SPECC1L: variants seen among roughly 807,000 people sequenced by gnomAD.
SPECC1L encodes the protein sperm antigen with calponin homology and coiled-coil domains 1 like.
A neutral mutation model predicts 116.8 loss-of-function variants in SPECC1L; 40 were observed. The observed-to-expected ratio is 0.34, with a 90% CI of 0.27 to 0.45. The LOEUF (loss-of-function observed/expected upper bound fraction) is 0.45, where lower values mean the gene tolerates loss of function less well. Among genes scored for constraint, SPECC1L ranks in the 20% least tolerant of loss-of-function variants. SPECC1L has a pLI of 1.00. For missense variants in SPECC1L, 1,110 were observed against 1,373.6 expected (o/e 0.81, Z 3.03); for synonymous variants, 504 against 500.6 (o/e 1.01, Z -0.09).
chr22:24,411,056 C>T (rs2042686670), intron 14 of SPECC1L, among the ~76,000 whole-genome samples: 3 of 152,002 alleles, frequency 2.0e-5, no homozygotes, highest in African/African-American at 7.3e-5. Flanking sequence ...GGTGTGGTGG[C>T]ACATGCCTGT....
intron 10 of SPECC1L, among the ~76,000 whole-genome samples, chr22:24,339,746 G>A (rs886151945): frequency 2.0e-5 from 3 of 152,212 alleles, no homozygotes; most frequent in South Asian, 2.1e-4. Flanking sequence ...TTGTGAGTTC[G>A]TGGCTTTGCA....
chr22:24,317,315 A>AC lies in SPECC1L; in HGVS notation c.307+3857dup, dbSNP rs1265065016. ...GGGCGGCTGGCCAGGCGGGGGGCTG[A>AC]CCCCCCCCACCTCCCTCCCGGACGG... On this transcript the variant is annotated intron_variant, in intron 4 of 16. Coordinates refer to ENST00000314328, the MANE Select transcript of SPECC1L (RefSeq NM_015330.6). 2.0e-4 allele frequency among the ~76,000 whole-genome samples: 7 copies of AC among 34,642 alleles called. 1 individual carries two copies. The highest frequency in any genetic ancestry group is 1.1e-3 in the South Asian group (1 of 928). The allele number at this position is 34,642 out of a possible 152,430, so 22.7% of individuals were successfully genotyped here.
At chr22:24,404,482 T>G (rs1008548183) in intron 14 of SPECC1L, among the ~76,000 whole-genome samples, 1 of 152,204 alleles carries the variant, frequency 6.6e-6, no homozygotes, top group Non-Finnish European at 1.5e-5. Flanking sequence ...CGTCTGGTTC[T>G]GCCCACAGAA....
At chr22:24,307,290 G>A (rs565715996) in intron 3 of SPECC1L, among the ~76,000 whole-genome samples, 19 of 152,220 alleles carry the variant, frequency 1.2e-4, no homozygotes, top group Middle Eastern at 3.4e-3. Context: ...ATTTTTTCGC[G>A]TCCTCTGCAA....
At position 24,282,542 on chromosome 22, in the gene SPECC1L, A is replaced by G. The variant is rs369436351; in HGVS notation, c.-38+5739A>G. 3.1e-3 allele frequency among the ~76,000 whole-genome samples: 474 copies of G among 152,292 alleles called. 16 individuals carry two copies. In the South Asian group the frequency reaches 0.09, roughly 29 times the overall value. On this transcript the variant is annotated intron_variant, in intron 2 of 16. Transcript: ENST00000314328. Reference sequence around the variant, plus strand: ...TGGTAAAAGTGGATTTCCTTGTCTCATTTTTGATCCTATGGGGAAAATATT... The same window carrying G: ...TGGTAAAAGTGGATTTCCTTGTCTCGTTTTTGATCCTATGGGGAAAATATT...
chr22:24,352,082 T>C (rs755171542), intron 11 of SPECC1L, among the ~76,000 whole-genome samples: 1 of 152,164 alleles, frequency 6.6e-6, no homozygotes, highest in Admixed American at 6.5e-5. Flanking sequence ...AAATGTTTCA[T>C]ACCAGAGAAA....
chr22:24,335,495 A>G (rs2041035155), intron 9 of SPECC1L, among the ~76,000 whole-genome samples: 1 of 152,134 alleles, frequency 6.6e-6, no homozygotes, highest in Non-Finnish European at 1.5e-5. Flanking sequence ...CAAATGACTG[A>G]CTTGTTTTCA....
intron 11 of SPECC1L, among the ~76,000 whole-genome samples, chr22:24,355,815 C>G (rs1184867899): frequency 6.6e-6 from 1 of 151,072 alleles, no homozygotes; most frequent in African/African-American, 2.4e-5. Flanking sequence ...CTCCCTCCCT[C>G]CCCCCGTTCT....
At chr22:24,282,714 A>G (rs2048966631) in intron 2 of SPECC1L, among the ~76,000 whole-genome samples, 1 of 151,036 alleles carries the variant, frequency 6.6e-6, no homozygotes, top group African/African-American at 2.4e-5. Flanking sequence ...TTCTGTGTGT[A>G]TTGAGAAGAT....
chr22:24,414,741 G>A lies in SPECC1L; in HGVS notation c.*118G>A. 1 of 856,696 alleles carries A rather than the reference G, an allele frequency of 1.2e-6. No individual in the cohort carries two copies. The highest frequency in any genetic ancestry group is 1.9e-6 in the Non-Finnish European group (1 of 525,344). 53.1% of individuals were successfully genotyped at this position (856,696 alleles called of 1,614,324 possible). A position where few individuals can be genotyped will look rare whatever the true frequency, so the allele number is the denominator to read the frequency against. On this transcript the variant is annotated 3_prime_UTR_variant, in exon 17 of 17. Coordinates refer to ENST00000314328, the MANE Select transcript of SPECC1L (RefSeq NM_015330.6). ...TCCAGCAACTCTGGGCTGCCCCACA[G>A]CGTGTGAGCCTCCAGCTCGGGGCTT...
chr22:24,336,983 A>G (rs1427350885), intron 9 of SPECC1L, among the ~76,000 whole-genome samples: 2 of 152,222 alleles, frequency 1.3e-5, no homozygotes, highest in Admixed American at 6.5e-5. Context: ...ACTGTAGGCT[A>G]ATGTAATGTT....
At chr22:24,305,896 A>G (rs891519342) in intron 3 of SPECC1L, among the ~76,000 whole-genome samples, 1 of 151,888 alleles carries the variant, frequency 6.6e-6, no homozygotes, top group Admixed American at 6.6e-5. Flanking sequence ...CATCGTTACC[A>G]GTAAGATTGA....
Position 24,321,603 on chromosome 22 carries a change from A to G in SPECC1L, c.623A>G (p.Asp208Gly), listed in dbSNP as rs1285309723. 10 of 1,614,224 alleles carry G rather than the reference A, an allele frequency of 6.2e-6. No individual in the cohort carries two copies. The highest frequency in any genetic ancestry group is 7.6e-6 in the Non-Finnish European group (9 of 1,180,046). ...TTACATTTGAGAAATGAACTGCGAG[A>G]CATGCGTGCCCAGCTGGGCATTAAT... ...EILHLRNELRDMRAQLGINED... is the reference protein window; with the variant it reads ...EILHLRNELRGMRAQLGINED... The change falls in exon 5 of 17, where the codon GAC (aspartate) becomes GGC (glycine). Residue 208 changes from aspartate to glycine, a missense_variant. Coordinates refer to ENST00000314328, the MANE Select transcript of SPECC1L (RefSeq NM_015330.6).
chr22:24,358,145 C>T (rs866299088), intron 11 of SPECC1L, among the ~76,000 whole-genome samples: 3 of 143,026 alleles, frequency 2.1e-5, no homozygotes, highest in Middle Eastern at 3.6e-3. Context: ...GGCAGAGTCT[C>T]ACTCTGTCAC....
chr22:24,346,068 G>A (rs1291846189), intron 10 of SPECC1L, among the ~76,000 whole-genome samples: 1 of 151,230 alleles, frequency 6.6e-6, no homozygotes, highest in Non-Finnish European at 1.5e-5. Context: ...GTGCAGTGGC[G>A]CGATCTCGGC....
At chr22:24,331,541 A>G (rs1355290615) in intron 8 of SPECC1L, among the ~76,000 whole-genome samples, 1 of 152,226 alleles carries the variant, frequency 6.6e-6, no homozygotes, top group Non-Finnish European at 1.5e-5. Context: ...GGATCTCAAA[A>G]ATTCATAAGA....
Position 24,299,151 on chromosome 22 carries a change from ATTTAT to A in SPECC1L, c.-37-3037_-37-3033del, listed in dbSNP as rs1020129843. Among the ~76,000 whole-genome samples, 20 of 152,144 alleles carry A rather than the reference ATTTAT, an allele frequency of 1.3e-4. 1 individual carries two copies. Among genetic ancestry groups the A allele is most frequent in the Admixed American group, 1.2e-3 (18 of 15,272 alleles). On this transcript the variant is annotated intron_variant, in intron 2 of 16. Transcript: ENST00000314328. ...TGAAAATTTACATATTGAAATTTAT[ATTTAT>A]TTTATTAAAAATTGTTTTTATATTA...
chr22:24,338,315 C>G, intron 9 of SPECC1L, 71 bp from the exon 10 acceptor site: 1 of 1,485,406 alleles, frequency 6.7e-7, no homozygotes, highest in Non-Finnish European at 9.4e-7. Context: ...CAGGCGAGTC[C>G]TTAAGTGGAG....
chr22:24,366,225 C>T (rs1327102991), intron 13 of SPECC1L, among the ~76,000 whole-genome samples: 3 of 151,712 alleles, frequency 2.0e-5, no homozygotes, highest in East Asian at 1.9e-4. Flanking sequence ...GATGGAGCCT[C>T]GCTGTCGCCC....
Sources: allele counts gnomAD v4.1 joint callset (sites outside exome capture counted in the v4.1 genomes callset), GRCh38; gene constraint gnomAD v4.1.1; transcripts MANE v1.5; gene names NCBI Gene and HGNC (gene_info 2026-07-23, HGNC 2026-07-21).